Variants in CFAP44 observed in about 807,000 individuals in gnomAD.
CFAP44 encodes cilia and flagella associated protein 44, also known as cilia- and flagella-associated protein 44.
Under a neutral mutation model 216.2 loss-of-function variants are expected in CFAP44, and 134 were observed. That is an observed-to-expected ratio of 0.62 (90% CI 0.54 to 0.72). The LOEUF is 0.72. Ranked by LOEUF, CFAP44 falls within the 30% of genes least tolerant of loss-of-function variation. The pLI, the probability that CFAP44 is intolerant of heterozygous loss-of-function variation, is 0.00. For synonymous variants in CFAP44, 700 were observed against 727.6 expected, an observed-to-expected ratio of 0.96 and a Z score of 0.61; for missense variants, 2,035 against 2,182.1, an observed-to-expected ratio of 0.93 and a Z score of 1.34.
At position 113,296,853 on chromosome 3, in the gene CFAP44, T is replaced by C. The variant is rs1022267617; in HGVS notation, c.5110A>G (p.Ser1704Gly). Residue 1704 changes from serine to glycine, a missense_variant, in exon 33 of 35, where the codon AGC (serine) becomes GGC (glycine). Physicochemically the swap from Ser to Gly is moderately conservative, Grantham distance 56. Around this residue, in one of 3 missense-constraint regions of CFAP44, gnomAD observed 1,883 missense variants for 2,023.7 expected, o/e 0.93. Transcript: ENST00000393845. ...AGATTTACCACACGGCCAAACTTGC[T>C]GATCATGAGCTGCCGGACTGTTTCC... ...MEETVRQLMISKFGRVVNLEA... is the reference protein window; with the variant it reads ...MEETVRQLMIGKFGRVVNLEA... 6.5e-7 allele frequency: 1 copy of C among 1,537,362 alleles called. No individual in the cohort carries two copies. The highest frequency in any genetic ancestry group is 2.0e-5 in the Admixed American group (1 of 51,008).
chr3:113,393,641 G>A (rs796611771), intron 15 of CFAP44, among the ~76,000 whole-genome samples: 4 of 152,166 alleles, frequency 2.6e-5, no homozygotes, highest in South Asian at 2.1e-4. Context: ...TCAACCTCCC[G>A]AGTAGCTGGG....
Position 113,294,754 on chromosome 3 carries a change from T to G in CFAP44, c.5306A>C (p.Gln1769Pro). 1 of 1,536,598 alleles carries G rather than the reference T, an allele frequency of 6.5e-7. No individual in the cohort carries two copies. Among genetic ancestry groups the G allele is most frequent in the East Asian group, 2.4e-5 (1 of 40,896 alleles). ...CTTTTCAATACACAAATCATTCATCTGATAAAGCTTTCTGGTGTGTTCTTT... is the reference window on the plus strand; with the variant it reads ...CTTTTCAATACACAAATCATTCATCGGATAAAGCTTTCTGGTGTGTTCTTT... ...KTKEHTRKLY[Q>P]MNDLCIEKKK... Residue 1769 changes from glutamine (Q) to proline (P), a missense_variant, in exon 34 of 35, where the codon CAG becomes CCG. Gln to Pro is a moderately conservative substitution (Grantham distance 76, BLOSUM62 -1). Coordinates refer to ENST00000393845, the MANE Select transcript of CFAP44 (RefSeq NM_001164496.2).
In CFAP44 at chr3:113,327,792, C is replaced by T. The variant is rs201122506; in HGVS notation, c.4144G>A (p.Ala1382Thr). ...TGATGTCTAAGGAGACGGAGTTCTG[C>T]ATCGAAAGTGACAACCAGTTCTTTG... ...RIKELVVTFD[A>T]ELRLLRHQKL... Residue 1382 changes from alanine (A) to threonine (T), a missense_variant, in exon 27 of 35, where the codon GCA becomes ACA. By Grantham distance (58) the Ala-to-Thr change is moderately conservative. Around this residue, in one of 3 missense-constraint regions of CFAP44, gnomAD observed 1,883 missense variants for 2,023.7 expected, o/e 0.93. Coordinates refer to ENST00000393845, the MANE Select transcript of CFAP44 (RefSeq NM_001164496.2). 6.5e-7 allele frequency: 1 copy of T among 1,536,846 alleles called. No homozygotes were observed. The highest frequency in any genetic ancestry group is 8.7e-7 in the Non-Finnish European group (1 of 1,146,644).
chr3:113,324,052 AAAAAAAAG>A (rs1950168916), intron 28 of CFAP44, among the ~76,000 whole-genome samples: 1 of 151,854 alleles, frequency 6.6e-6, no homozygotes, highest in South Asian at 2.1e-4. Flanking sequence ...CAAAAAAAAA[AAAAAAAAG>A]AGAGAAATAG....
chr3:113,326,982 A>T (rs1163946799), intron 27 of CFAP44, among the ~76,000 whole-genome samples: 1 of 152,024 alleles, frequency 6.6e-6, no homozygotes, highest in East Asian at 1.9e-4. Context: ...AAACCAATGA[A>T]TTTTTTGTAT....
intron 23 of CFAP44, among the ~76,000 whole-genome samples, chr3:113,343,383 G>A (rs1489806281): frequency 1.3e-5 from 2 of 151,606 alleles, no homozygotes; most frequent in Non-Finnish European, 2.9e-5. Flanking sequence ...TTCCTATTGG[G>A]GAATTACTCT....
Position 113,344,534 on chromosome 3 carries a change from C to G in CFAP44, c.3244G>C (p.Asp1082His). Reference sequence around the variant, plus strand: ...AGGCTACCTGCATCTCTCTGGCTGTCCTTTCTTCCAGGTCCCTCTTTTTCA... The same window carrying G: ...AGGCTACCTGCATCTCTCTGGCTGTGCTTTCTTCCAGGTCCCTCTTTTTCA... ...RFEKEGPGRK[D>H]SQRDAGGSVT... The change falls in exon 23 of 35, where the codon GAC becomes CAC. Residue 1082 changes from aspartate (D) to histidine (H), a missense_variant. This residue lies in a region of CFAP44 where 1,883 missense variants were observed against 2,023.7 expected (regional missense o/e 0.93). Transcript: ENST00000393845. 1 of 1,536,862 alleles carries G rather than the reference C, an allele frequency of 6.5e-7. No individual in the cohort carries two copies. Among genetic ancestry groups the G allele is most frequent in the East Asian group, 2.4e-5 (1 of 40,894 alleles).
chr3:113,297,063 C>T (rs1357800504), intron 32 of CFAP44, among the ~76,000 whole-genome samples, 178 bp from the exon 33 acceptor site: 6 of 152,148 alleles, frequency 3.9e-5, no homozygotes, highest in African/African-American at 9.7e-5. Flanking sequence ...AATGCCCATT[C>T]GGTATTGTCT....
chr3:113,421,370 G>A (rs143205209), intron 4 of CFAP44, among the ~76,000 whole-genome samples: 2 of 152,174 alleles, frequency 1.3e-5, no homozygotes, highest in South Asian at 2.1e-4. Context: ...AGACAAAAGC[G>A]AATGCTTATA....
At chr3:113,380,428 T>G (rs539785848) in intron 16 of CFAP44, among the ~76,000 whole-genome samples, 23 of 151,958 alleles carry the variant, frequency 1.5e-4, no homozygotes, top group South Asian at 6.2e-4. Flanking sequence ...CTCTCAAAAT[T>G]CCCCCTATTT....
chr3:113,306,228 T>G lies in CFAP44; in HGVS notation c.4731A>C (p.Lys1577Asn). The G allele has an allele frequency of 6.5e-7, 1 of 1,536,984 alleles. No individual in the cohort carries two copies. The highest frequency in any genetic ancestry group is 8.7e-7 in the Non-Finnish European group (1 of 1,146,722). The part of the protein sequence containing the change: ...VEEKKIVDNL[K>N]KEYDTLSKKV... Reference sequence around the variant, plus strand: ...TTTTTGACAATGTATCATATTCCTTTTTGAGGTTATCAACAATTTTCTTTT... The same window carrying G: ...TTTTTGACAATGTATCATATTCCTTGTTGAGGTTATCAACAATTTTCTTTT... The change falls in exon 30 of 35, where the codon AAA (lysine) becomes AAC (asparagine). Residue 1577 changes from lysine to asparagine, a missense_variant. This residue lies in a region of CFAP44 where 1,883 missense variants were observed against 2,023.7 expected (regional missense o/e 0.93). Transcript: ENST00000393845.
chr3:113,291,944 C>T (rs561630672), intron 34 of CFAP44, among the ~76,000 whole-genome samples, 196 bp from the exon 35 acceptor site: 1 of 152,328 alleles, frequency 6.6e-6, no homozygotes, highest in South Asian at 2.1e-4. Context: ...TAATAAACAA[C>T]TCTTCAAGTG....
rs1389059381 is a variant in CFAP44, at chr3:113,387,921, G to T, written c.1891-6861C>A. On this transcript the variant is annotated intron_variant, in intron 15 of 34. Coordinates refer to ENST00000393845, the MANE Select transcript of CFAP44 (RefSeq NM_001164496.2). ...AATAGCCAGGGAGTACTTGCCACAG[G>T]TCTGGGGTAGTGGCAGCCTTGGGAA... Among the ~76,000 whole-genome samples the T allele has an allele frequency of 2.0e-5, 3 of 152,138 alleles. No individual in the cohort carries two copies. In the East Asian group the frequency reaches 5.8e-4, roughly 29 times the overall value.
chr3:113,350,739 T>A (rs1950436628), intron 22 of CFAP44, among the ~76,000 whole-genome samples: 1 of 152,136 alleles, frequency 6.6e-6, no homozygotes, highest in Admixed American at 6.5e-5. Context: ...AGTGGGAAAA[T>A]AACTTTTAGA....
chr3:113,378,240 G>A (rs1424334589), intron 17 of CFAP44, among the ~76,000 whole-genome samples: 1 of 152,106 alleles, frequency 6.6e-6, no homozygotes, highest in Non-Finnish European at 1.5e-5. Flanking sequence ...TCCCTCAAAT[G>A]AAGACTTCCT....
At chr3:113,435,377 G>A (rs113814652) in intron 1 of CFAP44, among the ~76,000 whole-genome samples, 1,852 of 152,218 alleles carry the variant, frequency 0.012, 29 homozygotes, top group African/African-American at 0.042. Flanking sequence ...AGTGCAGAGC[G>A]AAGGGGAAGA....
chr3:113,346,773 A>T (rs373797526), intron 22 of CFAP44, among the ~76,000 whole-genome samples: 3 of 152,234 alleles, frequency 2.0e-5, no homozygotes, highest in Admixed American at 1.3e-4. Context: ...ATCAGCAGGA[A>T]ATGGGCAGGG....
intron 24 of CFAP44, among the ~76,000 whole-genome samples, chr3:113,334,198 C>T (rs1950263343): frequency 6.6e-6 from 1 of 152,188 alleles, no homozygotes; most frequent in Admixed American, 6.5e-5. Flanking sequence ...GATCCGCCCA[C>T]CTCAGCCTCC....
intron 17 of CFAP44, among the ~76,000 whole-genome samples, chr3:113,378,040 G>C (rs1933400279): frequency 1.3e-5 from 2 of 152,130 alleles, no homozygotes; most frequent in African/African-American, 4.8e-5. Context: ...TTTTCTGTTT[G>C]TGTTTTGTTG....
Sources: allele counts gnomAD v4.1 joint callset (sites outside exome capture counted in the v4.1 genomes callset), GRCh38; gene constraint gnomAD v4.1.1; regional missense constraint gnomAD v4.1.1; transcripts MANE v1.5; gene names NCBI Gene and HGNC (gene_info 2026-07-23, HGNC 2026-07-21).